PRDM5: variants seen among roughly 807,000 people sequenced by gnomAD.
PRDM5 encodes PR/SET domain 5, also known as PR domain zinc finger protein 5.
Under a neutral mutation model 81.2 loss-of-function variants are expected in PRDM5, and 56 were observed. The ratio of observed to expected loss-of-function variants is 0.69; its 90% CI spans 0.56 to 0.86. PRDM5 has a LOEUF of 0.86. Ranked by LOEUF, PRDM5 falls within the 40% of genes least tolerant of loss-of-function variation. PRDM5 has a pLI of 0.00. For synonymous variants in PRDM5, 267 were observed against 256.4 expected (o/e 1.04, Z -0.39); for missense variants, 697 against 770.1 (o/e 0.91, Z 1.12).
intron 2 of PRDM5, among the ~76,000 whole-genome samples, chr4:120,906,186 G>A (rs975378484): frequency 1.3e-5 from 2 of 151,802 alleles, no homozygotes; most frequent in African/African-American, 4.8e-5. Context: ...GCTCTGGCTG[G>A]GCTCCAACTC....
At chr4:120,735,836 A>G (rs1741025890) in intron 14 of PRDM5, among the ~76,000 whole-genome samples, 1 of 152,200 alleles carries the variant, frequency 6.6e-6, no homozygotes, top group South Asian at 2.1e-4. Context: ...GCTCAAGAAA[A>G]GAGATGTCTA....
At chr4:120,879,364 CTTATAGGTGGA>C (rs1762617463) in intron 2 of PRDM5, among the ~76,000 whole-genome samples, 3 of 152,126 alleles carry the variant, frequency 2.0e-5, no homozygotes, top group Admixed American at 2.0e-4. Flanking sequence ...TGCAGGTCCA[CTTATAGGTGGA>C]TTTTTTCAAA....
chr4:120,864,964 C>T (rs562235955), intron 2 of PRDM5, among the ~76,000 whole-genome samples: 1 of 152,220 alleles, frequency 6.6e-6, no homozygotes, highest in East Asian at 1.9e-4. Context: ...CTCCCTGCTA[C>T]AGACACAGCT....
At chr4:120,893,476 T>C (rs1269162976) in intron 2 of PRDM5, among the ~76,000 whole-genome samples, 1 of 152,214 alleles carries the variant, frequency 6.6e-6, no homozygotes, top group Admixed American at 6.5e-5. Flanking sequence ...GACTGCATCT[T>C]TTGATGCAGT....
chr4:120,734,144 G>A (rs1740693488), intron 14 of PRDM5, among the ~76,000 whole-genome samples: 1 of 152,064 alleles, frequency 6.6e-6, no homozygotes, highest in African/African-American at 2.4e-5. Context: ...CGGGGCAGAC[G>A]GCAGGCAGCA....
downstream of PRDM5, among the ~76,000 whole-genome samples, chr4:120,688,365 A>G (rs538616507): frequency 5.3e-5 from 8 of 152,020 alleles, no homozygotes; most frequent in Non-Finnish European, 1.0e-4. Flanking sequence ...AATTTTTAAC[A>G]TATTTTGGAT....
chr4:120,738,025 A>C (rs532978632), intron 14 of PRDM5, among the ~76,000 whole-genome samples: 1 of 152,366 alleles, frequency 6.6e-6, no homozygotes, highest in South Asian at 2.1e-4. Flanking sequence ...ACAACCTAAA[A>C]AGGAGAAACA....
At chr4:120,808,894 C>T (rs917196679) in intron 8 of PRDM5, among the ~76,000 whole-genome samples, 2 of 152,234 alleles carry the variant, frequency 1.3e-5, no homozygotes, top group Non-Finnish European at 2.9e-5. Flanking sequence ...CCACCTGGAA[C>T]TCACGCTGGC....
At chr4:120,897,691 C>T (rs1326102226) in intron 2 of PRDM5, among the ~76,000 whole-genome samples, 1 of 152,136 alleles carries the variant, frequency 6.6e-6, no homozygotes, top group Non-Finnish European at 1.5e-5. Flanking sequence ...TTTTCCTTTT[C>T]ATTCATTCTG....
intron 10 of PRDM5, among the ~76,000 whole-genome samples, chr4:120,794,558 C>T (rs969841347): frequency 8.4e-6 from 1 of 119,140 alleles, no homozygotes; most frequent in African/African-American, 3.1e-5. Flanking sequence ...CACACACACA[C>T]ATACAAATAC....
At chr4:120,880,070 C>T (rs1762695543) in intron 2 of PRDM5, among the ~76,000 whole-genome samples, 1 of 151,962 alleles carries the variant, frequency 6.6e-6, no homozygotes, top group Non-Finnish European at 1.5e-5. Flanking sequence ...AAGTGTACTG[C>T]ACTAATGTAA....
Position 120,699,185 on chromosome 4 carries a change from TA to T in PRDM5, c.1729-3911del, listed in dbSNP as rs1578573935. Among the ~76,000 whole-genome samples, 201 of 114,290 alleles carry T rather than the reference TA, an allele frequency of 1.8e-3. 4 individuals carry two copies. Among genetic ancestry groups the T allele is most frequent in the Admixed American group, 3.4e-3 (34 of 10,076 alleles). The allele number at this position is 114,290 out of a possible 152,430, so 75.0% of individuals were successfully genotyped here. Reference sequence around the variant, plus strand: ...AAATATATATATATATATATATATATATATATATATATATATATATTTCAGA... The same window carrying T: ...AAATATATATATATATATATATATATTATATATATATATATATATTTCAGA... On this transcript the variant is annotated intron_variant, in intron 15 of 15. Transcript: ENST00000264808.
At chr4:120,788,463 T>G (rs926402595) in intron 10 of PRDM5, among the ~76,000 whole-genome samples, 8 of 152,312 alleles carry the variant, frequency 5.3e-5, no homozygotes, top group Non-Finnish European at 8.8e-5. Context: ...TCTTTATACC[T>G]TTCTTTGCTA....
At chr4:120,766,442 T>G (rs577556739) in intron 13 of PRDM5, among the ~76,000 whole-genome samples, 1 of 152,372 alleles carries the variant, frequency 6.6e-6, no homozygotes, top group East Asian at 1.9e-4. Flanking sequence ...CAAATACTAA[T>G]TTTACGGTAG....
At chr4:120,689,564 T>G (rs1733960759), downstream of PRDM5, among the ~76,000 whole-genome samples, 1 of 152,062 alleles carries the variant, frequency 6.6e-6, no homozygotes, top group Non-Finnish European at 1.5e-5. Flanking sequence ...AAGTCAAAAG[T>G]AATGATTGAT....
At chr4:120,791,733 G>A (rs1750601965) in intron 10 of PRDM5, among the ~76,000 whole-genome samples, 1 of 152,088 alleles carries the variant, frequency 6.6e-6, no homozygotes, top group Non-Finnish European at 1.5e-5. Context: ...GTTTGTGTCC[G>A]ACCAAAATTC....
At chr4:120,760,829 A>C (rs1019578618) in intron 13 of PRDM5, among the ~76,000 whole-genome samples, 3 of 152,098 alleles carry the variant, frequency 2.0e-5, no homozygotes, top group Admixed American at 2.0e-4. Flanking sequence ...TCACAAAATC[A>C]CTGTCTCTTC....
At chr4:120,840,900 C>T (rs1757955114) in intron 3 of PRDM5, among the ~76,000 whole-genome samples, 1 of 152,138 alleles carries the variant, frequency 6.6e-6, no homozygotes, top group African/African-American at 2.4e-5. Flanking sequence ...CACTGCTGCT[C>T]GGACAGGAGG....
intron 14 of PRDM5, among the ~76,000 whole-genome samples, chr4:120,729,860 T>A (rs759509429): frequency 3.3e-5 from 5 of 152,196 alleles, no homozygotes; most frequent in Non-Finnish European, 7.3e-5. Flanking sequence ...GGTGTCCCCA[T>A]GCCAGTCATC....
Sources: allele counts gnomAD v4.1 joint callset (sites outside exome capture counted in the v4.1 genomes callset), GRCh38; gene constraint gnomAD v4.1.1; transcripts MANE v1.5; gene names NCBI Gene and HGNC (gene_info 2026-07-23, HGNC 2026-07-21).